The following EPHB1 variants were observed in gnomAD, a reference collection of about 807,000 sequenced individuals.
EPHB1 encodes the protein ephrin type-B receptor 1.
A neutral mutation model predicts 94.4 loss-of-function variants in EPHB1; 30 were observed. The ratio of observed to expected loss-of-function variants is 0.32; its 90% CI spans 0.24 to 0.43. EPHB1 has a LOEUF of 0.43. Among genes scored for constraint, EPHB1 ranks in the 20% least tolerant of loss-of-function variants. The pLI, the probability that EPHB1 is intolerant of heterozygous loss-of-function variation, is 1.00. For synonymous variants in EPHB1, 522 were observed against 489.1 expected, an observed-to-expected ratio of 1.07 and a Z score of -0.89; for missense variants, 1,055 against 1,308.3, an observed-to-expected ratio of 0.81 and a Z score of 2.99.
At chr3:135,022,260 G>A (rs184509237) in intron 3 of EPHB1, among the ~76,000 whole-genome samples, 13 of 152,238 alleles carry the variant, frequency 8.5e-5, no homozygotes, top group African/African-American at 2.6e-4. Flanking sequence ...GTGAGCCACC[G>A]CGCCCGGCCT....
chr3:134,941,792 C>CACAA (rs2039123787), intron 2 of EPHB1, among the ~76,000 whole-genome samples: 2 of 149,632 alleles, frequency 1.3e-5, no homozygotes, highest in African/African-American at 5.0e-5. Context: ...CACACACACA[C>CACAA]ACACACAATC....
At chr3:134,971,821 T>A (rs1182946414) in intron 3 of EPHB1, among the ~76,000 whole-genome samples, 1 of 152,210 alleles carries the variant, frequency 6.6e-6, no homozygotes, top group Non-Finnish European at 1.5e-5. Context: ...AAACTCATGT[T>A]GTCTTCTATT....
intron 3 of EPHB1, among the ~76,000 whole-genome samples, chr3:134,990,525 G>A (rs543768417): frequency 6.6e-6 from 1 of 152,236 alleles, no homozygotes; most frequent in African/African-American, 2.4e-5. Flanking sequence ...TAATAGTTCA[G>A]TTTTAAACTC....
At chr3:134,858,964 G>A (rs1209184390) in intron 1 of EPHB1, among the ~76,000 whole-genome samples, 1 of 152,210 alleles carries the variant, frequency 6.6e-6, no homozygotes, top group Non-Finnish European at 1.5e-5. Context: ...CCACATATGG[G>A]GAAAACTGCT....
intron 12 of EPHB1, among the ~76,000 whole-genome samples, chr3:135,232,876 A>C (rs958479281): frequency 6.6e-6 from 1 of 151,940 alleles, no homozygotes; most frequent in Admixed American, 6.6e-5. Flanking sequence ...AGGGGGGAAA[A>C]CTCCTTATAA....
intron 1 of EPHB1, among the ~76,000 whole-genome samples, chr3:134,877,892 G>A (rs765207599): frequency 6.6e-6 from 1 of 152,186 alleles, no homozygotes; most frequent in African/African-American, 2.4e-5. Flanking sequence ...TCAGCAAGAG[G>A]AGTCCTCTTC....
At chr3:135,026,937 G>T in intron 3 of EPHB1, among the ~76,000 whole-genome samples, 2 of 117,292 alleles carry the variant, frequency 1.7e-5, no homozygotes, top group African/African-American at 6.6e-5. Context: ...CACATCCCTT[G>T]TAAGTTGGAT....
At position 134,976,951 on chromosome 3, in the gene EPHB1, A is replaced by G. The variant is rs1420451561; in HGVS notation, c.805+24899A>G. Among the ~76,000 whole-genome samples the G allele has an allele frequency of 2.6e-5, 4 of 152,324 alleles. No homozygotes were observed. In the East Asian group the frequency reaches 7.7e-4, roughly 29 times the overall value. On this transcript the variant is annotated intron_variant, in intron 3 of 15. Coordinates refer to ENST00000398015, the MANE Select transcript of EPHB1 (RefSeq NM_004441.5). The stretch of plus-strand genomic sequence containing the variant: ...GGGCATTCATTTCTATTTGAAACCC[A>G]GTTCATCAACATTACAACTCTGACA...
intron 2 of EPHB1, among the ~76,000 whole-genome samples, chr3:134,933,224 GTTC>G (rs563669685): frequency 9.9e-4 from 150 of 152,220 alleles, no homozygotes; most frequent in African/African-American, 3.5e-3. Flanking sequence ...TCATGCTGGA[GTTC>G]TTCTTGGTCC....
intron 1 of EPHB1, among the ~76,000 whole-genome samples, chr3:134,811,256 T>TTTTTTTTTTTTTTTTTTTTTTG (rs1553853019): frequency 7.4e-6 from 1 of 134,866 alleles, no homozygotes; most frequent in Admixed American, 7.6e-5. Flanking sequence ...TTTTTTTTTT[T>TTTTTTTTTTTTTTTTTTTTTTG]TTTTTTTCTG....
intron 1 of EPHB1, among the ~76,000 whole-genome samples, chr3:134,812,183 T>C (rs1229926891): frequency 6.6e-6 from 1 of 152,220 alleles, no homozygotes; most frequent in Admixed American, 6.5e-5. Context: ...TACAATTCCG[T>C]GAGGTTTCAC....
intron 3 of EPHB1, among the ~76,000 whole-genome samples, chr3:135,020,183 A>G (rs995045590): frequency 1.3e-5 from 2 of 152,146 alleles, no homozygotes; most frequent in Non-Finnish European, 2.9e-5. Context: ...TGTCAAGTTT[A>G]TTACCATTTC....
intron 3 of EPHB1, among the ~76,000 whole-genome samples, chr3:135,005,300 A>T (rs1935356766): frequency 6.6e-6 from 1 of 152,204 alleles, no homozygotes; most frequent in African/African-American, 2.4e-5. Flanking sequence ...CCACTTGAGG[A>T]GGCAGTCTGC....
intron 1 of EPHB1, among the ~76,000 whole-genome samples, chr3:134,919,044 T>C (rs777973345): frequency 4.6e-5 from 7 of 152,150 alleles, no homozygotes; most frequent in Non-Finnish European, 5.9e-5. Context: ...GTTGCTGTGG[T>C]CCTCATGTGC....
intron 1 of EPHB1, among the ~76,000 whole-genome samples, chr3:134,900,795 G>C (rs1362757570): frequency 6.6e-6 from 1 of 152,084 alleles, no homozygotes; most frequent in Non-Finnish European, 1.5e-5. Flanking sequence ...TTTGTGTGTT[G>C]GTACAGGTGG....
intron 10 of EPHB1, among the ~76,000 whole-genome samples, chr3:135,180,445 A>T (rs1200275327): frequency 6.6e-6 from 1 of 152,128 alleles, no homozygotes; most frequent in African/African-American, 2.4e-5. Flanking sequence ...TAGAAGAGAG[A>T]CCACTGTTTC....
chr3:134,814,813 G>A (rs757869006), intron 1 of EPHB1, among the ~76,000 whole-genome samples: 2 of 152,186 alleles, frequency 1.3e-5, no homozygotes, highest in African/African-American at 4.8e-5. Flanking sequence ...GCATCTTGTG[G>A]TGGTCTGGAC....
chr3:134,824,223 C>T (rs1223013673), intron 1 of EPHB1, among the ~76,000 whole-genome samples: 1 of 148,516 alleles, frequency 6.7e-6, no homozygotes. Context: ...TGTTAATTCC[C>T]ATTGATATGG....
At chr3:135,064,435 G>A (rs949484938) in intron 3 of EPHB1, among the ~76,000 whole-genome samples, 2 of 151,918 alleles carry the variant, frequency 1.3e-5, no homozygotes, top group South Asian at 4.1e-4. Flanking sequence ...GGAGGGTTGT[G>A]TTTTTCCAGG....
Sources: allele counts gnomAD v4.1 joint callset (sites outside exome capture counted in the v4.1 genomes callset), GRCh38; gene constraint gnomAD v4.1.1; transcripts MANE v1.5; gene names NCBI Gene and HGNC (gene_info 2026-07-23, HGNC 2026-07-21).